DIP2C: variants seen among roughly 807,000 people sequenced by gnomAD.
The protein encoded by DIP2C is DIP2 acetate--CoA ligase C (putative), also known as disco-interacting protein 2 homolog C.
In DIP2C, 33 loss-of-function variants were observed where a neutral mutation model predicts 192.4. The observed-to-expected ratio is 0.17, with a 90% CI of 0.13 to 0.23. The LOEUF (loss-of-function observed/expected upper bound fraction) is 0.23, where lower values mean the gene tolerates loss of function less well. DIP2C is among the 10% of genes least tolerant of loss of function. DIP2C has a pLI of 1.00. For missense variants in DIP2C, 1,537 were observed against 2,110.1 expected, an observed-to-expected ratio of 0.73 and a Z score of 5.32; for synonymous variants, 979 against 864.1, an observed-to-expected ratio of 1.13 and a Z score of -2.33.
At chr10:446,672 C>T (rs191201350) in intron 3 of DIP2C, among the ~76,000 whole-genome samples, 209 of 152,300 alleles carry the variant, frequency 1.4e-3, no homozygotes, top group African/African-American at 4.5e-3. Flanking sequence ...GGCAGAGCGC[C>T]CCGGCTGCCA....
At chr10:637,555 T>G (rs1468005341) in intron 1 of DIP2C, among the ~76,000 whole-genome samples, 2 of 152,208 alleles carry the variant, frequency 1.3e-5, no homozygotes, top group Non-Finnish European at 2.9e-5. Flanking sequence ...GTCCCTTTTA[T>G]GAGGGCACAA....
intron 1 of DIP2C, among the ~76,000 whole-genome samples, chr10:548,568 G>A (rs1472083700): frequency 2.7e-5 from 4 of 150,254 alleles, no homozygotes; most frequent in Admixed American, 1.3e-4. Flanking sequence ...TGATGTGGCC[G>A]GGAGGGAGGT....
intron 10 of DIP2C, among the ~76,000 whole-genome samples, chr10:398,004 G>A (rs76237544): frequency 6.6e-6 from 1 of 152,262 alleles, no homozygotes; most frequent in South Asian, 2.1e-4. Context: ...TGACTCTCTG[G>A]AGCAATAAGA....
At chr10:606,888 C>CT (rs1376136313) in intron 1 of DIP2C, among the ~76,000 whole-genome samples, 1 of 152,184 alleles carries the variant, frequency 6.6e-6, no homozygotes, top group African/African-American at 2.4e-5. Flanking sequence ...AGCTGGAGGC[C>CT]TGTCATGGTG....
intron 32 of DIP2C, among the ~76,000 whole-genome samples, chr10:301,563 G>T (rs148661376): frequency 3.2e-4 from 48 of 152,316 alleles, no homozygotes; most frequent in African/African-American, 1.1e-3. Context: ...TAGAGAATGG[G>T]ATGTAAAGAC....
intron 1 of DIP2C, among the ~76,000 whole-genome samples, chr10:640,841 C>T (rs911585943): frequency 6.6e-6 from 1 of 151,968 alleles, no homozygotes; most frequent in African/African-American, 2.4e-5. Flanking sequence ...CTGGAGACTC[C>T]AACAGTGGCA....
chr10:560,764 G>C (rs1849167747), intron 1 of DIP2C, among the ~76,000 whole-genome samples: 1 of 152,132 alleles, frequency 6.6e-6, no homozygotes, highest in Non-Finnish European at 1.5e-5. Flanking sequence ...CTTGGCAAGG[G>C]CATTCCAAAG....
At chr10:548,911 C>CAAA (rs61437915) in intron 1 of DIP2C, among the ~76,000 whole-genome samples, 360 of 26,434 alleles carry the variant, frequency 0.014, 40 homozygotes, top group South Asian at 0.026. Context: ...TAGCAGCTCA[C>CAAA]AAAAAAAAAA....
chr10:544,558 A>G (rs1848179214), intron 1 of DIP2C, among the ~76,000 whole-genome samples: 1 of 152,116 alleles, frequency 6.6e-6, no homozygotes, highest in South Asian at 2.1e-4. Context: ...CCCACTAGCA[A>G]TATATACAGA....
Position 636,515 on chromosome 10 carries a change from C to G in DIP2C, c.85+52979G>C, listed in dbSNP as rs928135609. Among the ~76,000 whole-genome samples the G allele has an allele frequency of 6.6e-6, 1 of 152,164 alleles. No homozygotes were observed. The highest frequency in any genetic ancestry group is 2.4e-5 in the African/African-American group (1 of 41,432). On this transcript the variant is annotated intron_variant, in intron 1 of 36. Coordinates refer to ENST00000280886, the MANE Select transcript of DIP2C (RefSeq NM_014974.3). The surrounding 1 kb of genome is among the most constrained non-coding windows in gnomAD (Gnocchi z 4.6). ...CCACCTCGCCGAGTCCTCACGCACG[C>G]GTTCCCTAAGAATAAAGGACCCTCT...
rs760322495 is a variant in DIP2C, at chr10:369,550, G to A, written c.2075C>T (p.Ser692Leu). 3.1e-6 allele frequency: 5 copies of A among 1,592,850 alleles called. No homozygotes were observed. The highest frequency in any genetic ancestry group is 3.4e-6 in the Non-Finnish European group (4 of 1,167,404). Residue 692 changes from serine (S) to leucine (L), a missense_variant, in exon 18 of 37, where the codon TCG becomes TTG. Physicochemically the swap from Ser to Leu is moderately radical, Grantham distance 145. Transcript: ENST00000280886. Reference sequence around the variant, plus strand: ...GGTGAGCACGGACAGCTTCTCTTCCGAGTCCACACGAATGACCCCATAGGT... The same window carrying A: ...GGTGAGCACGGACAGCTTCTCTTCCAAGTCCACACGAATGACCCCATAGGT... ...GLTYGVIRVD[S>L]EEKLSVLTVQ...
Position 390,382 on chromosome 10 carries a change from T to G in DIP2C, c.1385-9A>C, listed in dbSNP as rs1564651007. On this transcript the variant is annotated splice_polypyrimidine_tract_variant and intron_variant, in intron 11 of 36. Transcript: ENST00000280886. ...CAGCAGCTTTGGCCAACCTTGGAAA[T>G]AAACAACAAGTTCCTTTTAAATGTT... The G allele has an allele frequency of 6.2e-7, 1 of 1,612,538 alleles. No individual in the cohort carries two copies. Among genetic ancestry groups the G allele is most frequent in the Non-Finnish European group, 8.5e-7 (1 of 1,178,862 alleles).
chr10:514,996 G>A (rs778654824), intron 1 of DIP2C, among the ~76,000 whole-genome samples: 2 of 152,056 alleles, frequency 1.3e-5, no homozygotes, highest in Non-Finnish European at 1.5e-5. Flanking sequence ...TTACGTCCAC[G>A]TTCTCATCAG....
At chr10:548,099 G>A (rs1055286899) in intron 1 of DIP2C, among the ~76,000 whole-genome samples, 3 of 151,938 alleles carry the variant, frequency 2.0e-5, no homozygotes, top group African/African-American at 7.3e-5. Flanking sequence ...ACCAAATTCT[G>A]AGCAAACCAG....
intron 3 of DIP2C, among the ~76,000 whole-genome samples, chr10:468,725 A>G (rs1970410292): frequency 6.6e-6 from 1 of 152,170 alleles, no homozygotes; most frequent in Non-Finnish European, 1.5e-5. Context: ...CACACCACAG[A>G]GATCACACCA....
chr10:285,706 C>T (rs370062408), intron 34 of DIP2C, among the ~76,000 whole-genome samples: 1 of 152,240 alleles, frequency 6.6e-6, no homozygotes, highest in African/African-American at 2.4e-5. Context: ...CACAGCTCCA[C>T]GAGGCGTCTT....
At chr10:330,072 G>A (rs1314051117) in intron 29 of DIP2C, among the ~76,000 whole-genome samples, 1 of 152,144 alleles carries the variant, frequency 6.6e-6, no homozygotes, top group Non-Finnish European at 1.5e-5. Context: ...TGTCTCCAGT[G>A]GCTTTGAGCT....
intron 1 of DIP2C, among the ~76,000 whole-genome samples, chr10:628,037 G>A (rs867106579): frequency 6.6e-6 from 1 of 152,170 alleles, no homozygotes; most frequent in Non-Finnish European, 1.5e-5. Flanking sequence ...TCCAGTTTTC[G>A]GCACTTTAAT....
intron 17 of DIP2C, among the ~76,000 whole-genome samples, chr10:377,394 C>T (rs1961748343): frequency 6.6e-6 from 1 of 152,200 alleles, no homozygotes; most frequent in South Asian, 2.1e-4. Flanking sequence ...CAAAACAGAA[C>T]ACACTGTAAA....
Sources: allele counts gnomAD v4.1 joint callset (sites outside exome capture counted in the v4.1 genomes callset), GRCh38; gene constraint gnomAD v4.1.1; non-coding constraint Gnocchi (gnomAD v3.1); transcripts MANE v1.5; gene names NCBI Gene and HGNC (gene_info 2026-07-23, HGNC 2026-07-21).